XRCC3: variants seen among roughly 807,000 people sequenced by gnomAD.
The protein encoded by XRCC3 is X-ray repair cross complementing 3.
A neutral mutation model predicts 29.2 loss-of-function variants in XRCC3; 34 were observed. That is an observed-to-expected ratio of 1.16 (90% CI 0.88 to 1.55). The LOEUF (loss-of-function observed/expected upper bound fraction) is 1.55. Ranked by LOEUF, XRCC3 falls within the 40% of genes most tolerant of loss-of-function variation. The pLI is 0.00. For missense variants in XRCC3, 463 were observed against 467.6 expected, an observed-to-expected ratio of 0.99 and a Z score of 0.09; for synonymous variants, 223 against 211.3, an observed-to-expected ratio of 1.06 and a Z score of -0.48.
At position 103,709,338 on chromosome 14, in the gene XRCC3, C is replaced by T. The variant is rs141862367; in HGVS notation, c.56-679G>A. 7.0e-4 allele frequency: 114 copies of T among 162,688 alleles called. 1 individual carries two copies. In the East Asian group the frequency reaches 0.018, roughly 25 times the overall value. The allele number at this position is 162,688 out of a possible 1,614,324, so 10.1% of individuals were successfully genotyped here. A position where few individuals can be genotyped will look rare whatever the true frequency, so the allele number is the denominator to read the frequency against. On this transcript the variant is annotated intron_variant, in intron 4 of 9. Transcript: ENST00000555055. ...TTCTAATTTCAAACTTGTAGAAAGA[C>T]GACAAATGCTGCAGACTGATCAGCC...
chr14:103,699,088 C>T, intron 9 of XRCC3, 45 bp downstream of exon 9: 1 of 1,565,290 alleles, frequency 6.4e-7, no homozygotes, highest in Non-Finnish European at 8.7e-7. Context: ...CAGCTGTGCC[C>T]CTGGCACCTG....
At position 103,699,161 on chromosome 14, in the gene XRCC3, C is replaced by A; in HGVS notation, c.793G>T (p.Glu265Ter). The A allele has an allele frequency of 6.4e-7, 1 of 1,568,412 alleles. No individual in the cohort carries two copies. Among genetic ancestry groups the A allele is most frequent in the East Asian group, 2.3e-5 (1 of 42,596 alleles). ...CINQVTEAME[E>*]QGAAHGPLGF... ...AGCGGCCCGTGTGCTGCGCCCTGCT[C>A]CTCCATGGCCTCTGTCACCTGGAAG... Residue 265 changes from glutamate to a stop codon, truncating the protein, a stop_gained, in exon 9 of 10, where the codon GAG becomes TAG. Transcript: ENST00000555055. LOFTEE classifies it low-confidence loss of function (END_TRUNC).
rs528762137 is a variant in XRCC3, at chr14:103,698,246, C to A, written c.*552G>T. 1.1e-3 allele frequency: 189 copies of A among 177,742 alleles called. 3 individuals are homozygous for A. Among genetic ancestry groups the A allele is most frequent in the Non-Finnish European group, 1.2e-4 (10 of 83,074 alleles). 11.0% of individuals were successfully genotyped at this position (177,742 alleles called of 1,614,324 possible). Reference sequence around the variant, plus strand: ...AAGTTTTGTGGGGCACAGTGTGTGCCGAGGTGGGGCCCCCGGGAGCCAAGG... The same window carrying A: ...AAGTTTTGTGGGGCACAGTGTGTGCAGAGGTGGGGCCCCCGGGAGCCAAGG... On this transcript the variant is annotated 3_prime_UTR_variant, in exon 10 of 10. Transcript: ENST00000555055.
In XRCC3 at chr14:103,707,015, C is replaced by A; in HGVS notation, c.394G>T (p.Gly132Cys). The change falls in exon 6 of 10, where the codon GGC (glycine) becomes TGC (cysteine). Residue 132 changes from glycine (G) to cysteine (C), a missense_variant. Physicochemically the swap from Gly to Cys is radical, Grantham distance 159 (BLOSUM62 -3). Transcript: ENST00000555055. ...GGTGGCCACTCACCAGCCTCCAGGC[C>A]TCCGTGCTGCCGCGGGAACTGCACA... ...LAVQFPRQHG[G>C]LEAGAVYICT... The A allele has an allele frequency of 6.4e-7, 1 of 1,558,830 alleles. No individual in the cohort carries two copies. The highest frequency in any genetic ancestry group is 8.6e-7 in the Non-Finnish European group (1 of 1,156,598).
Position 103,698,281 on chromosome 14 carries a change from T to G in XRCC3, c.*517A>C. The G allele has an allele frequency of 5.8e-6, 1 of 172,836 alleles. No individual in the cohort carries two copies. The highest frequency in any genetic ancestry group is 1.2e-5 in the Non-Finnish European group (1 of 80,426). The allele number at this position is 172,836 out of a possible 1,614,324, so 10.7% of individuals were successfully genotyped here. ...CCCCCGGGAGCCAAGGACCCAGAGG[T>G]GGGTGAGGAGGAGCCGCCTGCCTGC... On this transcript the variant is annotated 3_prime_UTR_variant, in exon 10 of 10. Coordinates refer to ENST00000555055, the MANE Select transcript of XRCC3 (RefSeq NM_005432.4).
In XRCC3 at chr14:103,708,724, C is replaced by A. The variant is rs1014927262; in HGVS notation, c.56-65G>T. On this transcript the variant is annotated intron_variant, in intron 4 of 9. Coordinates refer to ENST00000555055, the MANE Select transcript of XRCC3 (RefSeq NM_005432.4). ...GTCACAACGCAGGGCAACACAGTGACAAAAGGTGCTTTGTTAAGAGCACTG... is the reference window on the plus strand; with the variant it reads ...GTCACAACGCAGGGCAACACAGTGAAAAAAGGTGCTTTGTTAAGAGCACTG... 3.7e-6 allele frequency: 6 copies of A among 1,607,600 alleles called. No individual in the cohort carries two copies. The Admixed American group carries it at 1.0e-4, about 27-fold the overall frequency.
intron 7 of XRCC3, 134 bp downstream of exon 7, chr14:103,703,039 C>T: frequency 7.3e-6 from 10 of 1,374,824 alleles, no homozygotes; most frequent in Non-Finnish European, 6.0e-6. Context: ...CCCCCATGAC[C>T]CATGCTGTGT....
chr14:103,703,453 G>T, intron 6 of XRCC3, 126 bp from the exon 7 acceptor site: 3 of 1,151,020 alleles, frequency 2.6e-6, no homozygotes, highest in Non-Finnish European at 3.8e-6. Flanking sequence ...TTTGCCCCTC[G>T]CCTGGGGAGG....
chr14:103,709,014 G>C (rs952496124), intron 4 of XRCC3: 23 of 360,770 alleles, frequency 6.4e-5, no homozygotes, highest in African/African-American at 2.1e-5. Context: ...ATGCCAGCTG[G>C]AGACAGTGCT....
Position 103,699,530 on chromosome 14 carries a change from GAC to G in XRCC3, c.606_607del (p.Arg204GlyfsTer18), listed in dbSNP as rs765025885. 4.3e-6 allele frequency: 7 copies of G among 1,613,418 alleles called. No individual in the cohort carries two copies. The highest frequency in any genetic ancestry group is 5.9e-6 in the Non-Finnish European group (7 of 1,179,992). ...GACCACCAGGCGAGCCATGCCCCGA[GAC>G]AGCAGTACGGGGACCTTCTTATTCA... On this transcript the variant is annotated frameshift_variant, in exon 8 of 10. Coordinates refer to ENST00000555055, the MANE Select transcript of XRCC3 (RefSeq NM_005432.4). LOFTEE classifies it high-confidence loss of function.
chr14:103,711,149 A>C lies in XRCC3; in HGVS notation c.-62T>G. The C allele has an allele frequency of 6.3e-7, 1 of 1,584,094 alleles. No individual in the cohort carries two copies. The highest frequency in any genetic ancestry group is 2.2e-5 in the East Asian group (1 of 44,608). On this transcript the variant is annotated 5_prime_UTR_variant, in exon 4 of 10. Transcript: ENST00000555055. ...CCAGGAAAGACAGAACAATGGATGC[A>C]AATTCTGAGGCACTCGCCTTCAATT...
At chr14:103,699,725 A>T in intron 7 of XRCC3, 149 bp from the exon 8 acceptor site, 2 of 753,132 alleles carry the variant, frequency 2.7e-6, no homozygotes, top group Non-Finnish European at 4.6e-6. Context: ...CCATACTCTG[A>T]GCCCAATTCT....
chr14:103,714,643 A>T (rs2083743801), intron 1 of XRCC3, among the ~76,000 whole-genome samples: 1 of 152,186 alleles, frequency 6.6e-6, no homozygotes, highest in Non-Finnish European at 1.5e-5. Flanking sequence ...GCCTTGTAAT[A>T]AGGAATTAAA....
intron 7 of XRCC3, among the ~76,000 whole-genome samples, chr14:103,700,972 C>A (rs557443550): frequency 6.6e-6 from 1 of 152,362 alleles, no homozygotes; most frequent in East Asian, 1.9e-4. Context: ...GTCCACACCC[C>A]TGGCTTCCCC....
intron 7 of XRCC3, chr14:103,701,284 G>A (rs1167405950): frequency 2.1e-6 from 3 of 1,454,710 alleles, no homozygotes; most frequent in Non-Finnish European, 2.8e-6. Flanking sequence ...GGCAGGGAGG[G>A]CCCCTGGCCG....
intron 8 of XRCC3, 51 bp from the exon 9 acceptor site, chr14:103,699,230 G>T: frequency 6.5e-7 from 1 of 1,543,180 alleles, no homozygotes; most frequent in Non-Finnish European, 8.7e-7. Context: ...TCTTCTCGAT[G>T]GTTAGGCACA....
At position 103,707,082 on chromosome 14, in the gene XRCC3, G is replaced by A. The variant is rs1382660549; in HGVS notation, c.327C>T (p.Ser109=). 6 of 1,557,934 alleles carry A rather than the reference G, an allele frequency of 3.9e-6. No homozygotes were observed. The African/African-American group carries it at 8.2e-5, about 21-fold the overall frequency. Residue 109 remains serine (S), a synonymous_variant, in exon 6 of 10, where the codon AGC becomes AGT. Transcript: ENST00000555055. ...LDGITELAGR[S]SAGKTQLALQ... The stretch of plus-strand genomic sequence containing the variant: ...GCGCCAGCTGGGTCTTCCCTGCCGA[G>A]CTGCGTCCGGCCAGCTCAGTGATGC...
In XRCC3 at chr14:103,714,670, A is replaced by C. The variant is rs555499398; in HGVS notation, c.-318+754T>G. On this transcript the variant is annotated intron_variant, in intron 1 of 9. Coordinates refer to ENST00000555055, the MANE Select transcript of XRCC3 (RefSeq NM_005432.4). Reference sequence around the variant, plus strand: ...GGAATTAAAGGCAGGATGAACAAACATTTTCTTCTTTTTTTTGTGTGCTTT... The same window carrying C: ...GGAATTAAAGGCAGGATGAACAAACCTTTTCTTCTTTTTTTTGTGTGCTTT... 8.6e-5 allele frequency among the ~76,000 whole-genome samples: 13 copies of C among 151,908 alleles called. No individual in the cohort carries two copies. The South Asian group carries it at 2.3e-3, about 27-fold the overall frequency.
chr14:103,711,738 C>G (rs1222216097), intron 2 of XRCC3, 171 bp from the exon 3 acceptor site: 4 of 455,740 alleles, frequency 8.8e-6, no homozygotes, highest in Admixed American at 4.7e-5. Flanking sequence ...TTCCACAGCC[C>G]GAGCCTGGCC....
Sources: gnomAD v4.1 joint callset for allele counts (sites outside exome capture counted in the v4.1 genomes callset) on GRCh38, gnomAD v4.1.1 for gene constraint, MANE v1.5 for transcripts, NCBI Gene and HGNC (gene_info 2026-07-23, HGNC 2026-07-21) for gene names.